Variants in MAN2C1 observed in about 807,000 individuals in gnomAD.
MAN2C1 encodes alpha-mannosidase 2C1.
MAN2C1 carries 111 observed loss-of-function variants against 126.9 expected under a neutral mutation model. That is an observed-to-expected ratio of 0.87 (90% CI 0.75 to 1.02). The LOEUF (loss-of-function observed/expected upper bound fraction) is 1.02. Ranked by LOEUF, MAN2C1 falls within the 50% of genes least tolerant of loss-of-function variation. MAN2C1 has a pLI of 0.00. For missense variants in MAN2C1, 1,363 were observed against 1,364.4 expected, an observed-to-expected ratio of 1.00 and a Z score of 0.02; for synonymous variants, 567 against 561.5, an observed-to-expected ratio of 1.01 and a Z score of -0.14.
chr15:75,362,083 GC>G lies in MAN2C1; in HGVS notation c.1009-137del, dbSNP rs2072481994. On this transcript the variant is annotated intron_variant, in intron 8 of 25. Transcript: ENST00000267978. This position sits in a 1 kb window ranked among gnomAD's most constrained non-coding sequence, Gnocchi z 4.5. ...GAGTTACAGCCAGAACTCAGGAAGG[GC>G]CCCTGTCCTTCAGGCCTGACTGTCC... The G allele has an allele frequency of 4.1e-6, 3 of 731,368 alleles. No individual in the cohort carries two copies. The highest frequency in any genetic ancestry group is 2.6e-5 in the East Asian group (1 of 38,514). 45.3% of individuals were successfully genotyped at this position (731,368 alleles called of 1,614,324 possible). A position where few individuals can be genotyped will look rare whatever the true frequency, so the allele number is the denominator to read the frequency against.
At chr15:75,358,886 G>A (rs2072403625) in intron 18 of MAN2C1, 78 bp from the exon 19 acceptor site, 1 of 1,394,746 alleles carries the variant, frequency 7.2e-7, no homozygotes, top group Admixed American at 1.9e-5. Flanking sequence ...GTAGGGTGGA[G>A]TGAGTAGACC....
chr15:75,366,114 T>C (rs2072570573), intron 4 of MAN2C1: 1 of 315,968 alleles, frequency 3.2e-6, no homozygotes, highest in Non-Finnish European at 6.2e-6. Context: ...TGCTGAGATG[T>C]TAATAATGTT....
In MAN2C1 at chr15:75,362,810, A is replaced by G; in HGVS notation, c.791-62T>C. ...CAAGGCTGACCAGGCCTGGGCTGGG[A>G]CTCCAGAGGGTCACCTAGCCCCCCT... On this transcript the variant is annotated intron_variant, in intron 6 of 25. Coordinates refer to ENST00000267978, the MANE Select transcript of MAN2C1 (RefSeq NM_006715.4). This position sits in a 1 kb window ranked among gnomAD's most constrained non-coding sequence, Gnocchi z 4.5. The G allele has an allele frequency of 1.4e-6, 2 of 1,420,950 alleles. No individual in the cohort carries two copies. Among genetic ancestry groups the G allele is most frequent in the East Asian group, 2.3e-5 (1 of 43,592 alleles). The allele number at this position is 1,420,950 out of a possible 1,614,324, so 88.0% of individuals were successfully genotyped here.
Position 75,356,628 on chromosome 15 carries a change from G to A in MAN2C1, c.2715C>T (p.Thr905=). 1 of 1,566,444 alleles carries A rather than the reference G, an allele frequency of 6.4e-7. No homozygotes were observed. The highest frequency in any genetic ancestry group is 8.7e-7 in the Non-Finnish European group (1 of 1,155,974). Residue 905 remains threonine, a synonymous_variant, in exon 23 of 26, where the codon ACC becomes ACT. Transcript: ENST00000267978. This position sits in a 1 kb window ranked among gnomAD's most constrained non-coding sequence, Gnocchi z 5.8. The part of the protein sequence containing the change: ...ATADTGRHEF[T]YALMPHKGSF... ...CACCCTTGTGCGGCATCAGTGCATA[G>A]GTGAACTCGTGGCGCCCCGTGTCAG...
intron 2 of MAN2C1, 153 bp downstream of exon 2, chr15:75,367,920 G>A (rs931202292): frequency 3.6e-6 from 4 of 1,109,068 alleles, no homozygotes; most frequent in Middle Eastern, 2.0e-4. Flanking sequence ...CCAGAGAGCT[G>A]TTCCCAGCAG....
chr15:75,368,598 T>G lies in MAN2C1; in HGVS notation c.-15A>C. 6.5e-7 allele frequency: 1 copy of G among 1,531,692 alleles called. No homozygotes were observed. The highest frequency in any genetic ancestry group is 1.2e-5 in the South Asian group (1 of 83,458). The allele number at this position is 1,531,692 out of a possible 1,614,324, so 94.9% of individuals were successfully genotyped here. ...GCAGCCGCCATCGCCGGGCTCTCGC[T>G]CCTCTTTCCGGAAGGCCCCTGGCGC... On this transcript the variant is annotated 5_prime_UTR_variant, in exon 1 of 26. Coordinates refer to ENST00000267978, the MANE Select transcript of MAN2C1 (RefSeq NM_006715.4).
At chr15:75,367,442 AG>A (rs1567288685) in intron 3 of MAN2C1, 68 bp downstream of exon 3, 5 of 1,571,616 alleles carry the variant, frequency 3.2e-6, no homozygotes, top group Non-Finnish European at 4.3e-6. Context: ...CAGAGTCCAC[AG>A]AAGAAGGGCT....
intron 13 of MAN2C1, 34 bp from the exon 14 acceptor site, chr15:75,360,245 T>G (rs1039832601): frequency 6.2e-7 from 1 of 1,601,070 alleles, no homozygotes; most frequent in South Asian, 1.1e-5. Flanking sequence ...GTCTGGAGCC[T>G]GCTTAGCTGT....
rs760363413 is a variant in MAN2C1, at chr15:75,361,984, C to T, written c.1009-37G>A. On this transcript the variant is annotated intron_variant, in intron 8 of 25. Coordinates refer to ENST00000267978, the MANE Select transcript of MAN2C1 (RefSeq NM_006715.4). The surrounding 1 kb of genome is among the most constrained non-coding windows in gnomAD (Gnocchi z 5.0). The stretch of plus-strand genomic sequence containing the variant: ...GGAAGTGGGAGGCAGCCCAGGTCAG[C>T]GCTGGACGGGGAGCAGGCAGGCGCT... The T allele has an allele frequency of 1.1e-5, 16 of 1,523,178 alleles. No homozygotes were observed. Among genetic ancestry groups the T allele is most frequent in the East Asian group, 2.2e-5 (1 of 44,506 alleles). The allele number at this position is 1,523,178 out of a possible 1,614,324, so 94.4% of individuals were successfully genotyped here.
rs923599831 is a variant in MAN2C1 at position 75,368,163 on chromosome 15, G to A, written c.137C>T (p.Ser46Phe). The A allele has an allele frequency of 1.9e-6, 3 of 1,604,542 alleles. No individual in the cohort carries two copies. The highest frequency in any genetic ancestry group is 2.5e-6 in the Non-Finnish European group (3 of 1,177,238). ...AAGTCTCTCCGGCGTCAGGAAGCTG[G>A]AGAGCACAGCCACAGGGCAGCTGGC... Reference protein sequence around the residue: ...FGASCPVAVLSSFLTPERLPY... With the variant: ...FGASCPVAVLFSFLTPERLPY... The change falls in exon 2 of 26, where the codon TCC becomes TTC. Residue 46 changes from serine to phenylalanine, a missense_variant. Transcript: ENST00000267978.
intron 4 of MAN2C1, chr15:75,365,758 CA>C (rs994817822): frequency 4.7e-5 from 9 of 191,284 alleles, no homozygotes; most frequent in Non-Finnish European, 9.0e-5. Flanking sequence ...CCCGAAAAAA[CA>C]AAAAAAACTA....
chr15:75,360,414 A>G, intron 13 of MAN2C1, 151 bp downstream of exon 13: 2 of 1,331,462 alleles, frequency 1.5e-6, no homozygotes, highest in South Asian at 2.9e-5. Flanking sequence ...GCCTCCTTCA[A>G]GCTTTCTTGA....
chr15:75,360,581 T>C lies in MAN2C1; in HGVS notation c.1568A>G (p.Tyr523Cys). 1 of 1,613,750 alleles carries C rather than the reference T, an allele frequency of 6.2e-7. No homozygotes were observed. The highest frequency in any genetic ancestry group is 8.5e-7 in the Non-Finnish European group (1 of 1,179,988). Residue 523 changes from tyrosine to cysteine, a missense_variant, in exon 13 of 26, where the codon TAC becomes TGC. Around this residue, in one of 3 missense-constraint regions of MAN2C1, gnomAD observed 67 missense variants for 104.5 expected, o/e 0.64. Coordinates refer to ENST00000267978, the MANE Select transcript of MAN2C1 (RefSeq NM_006715.4). The stretch of plus-strand genomic sequence containing the variant: ...CCCCCTGACCTGGGCATGGGTGGTG[T>C]ATGTGCCATTGTGCAGCTCCAAGAA... ...ELFLELHNGT[Y>C]TTHAQIKKGN...
chr15:75,362,865 C>A lies in MAN2C1; in HGVS notation c.791-117G>T. The A allele has an allele frequency of 1.2e-6, 1 of 800,804 alleles. No homozygotes were observed. Among genetic ancestry groups the A allele is most frequent in the Non-Finnish European group, 2.1e-6 (1 of 484,120 alleles). 49.6% of individuals were successfully genotyped at this position (800,804 alleles called of 1,614,324 possible). On this transcript the variant is annotated intron_variant, in intron 6 of 25. Coordinates refer to ENST00000267978, the MANE Select transcript of MAN2C1 (RefSeq NM_006715.4). The surrounding 1 kb of genome is among the most constrained non-coding windows in gnomAD (Gnocchi z 4.5). ...TCCCAGGCCCTTCACCCTGGAAAGC[C>A]CTGTGGTGTCCCTCCTAAGTGGTCA...
In MAN2C1 at chr15:75,364,092, C is replaced by T. The variant is rs764960191; in HGVS notation, c.697G>A (p.Val233Met). The T allele has an allele frequency of 6.2e-7, 1 of 1,614,216 alleles. No individual in the cohort carries two copies. Among genetic ancestry groups the T allele is most frequent in the Non-Finnish European group, 8.5e-7 (1 of 1,180,028 alleles). Residue 233 changes from valine to methionine, a missense_variant, in exon 6 of 26, where the codon GTG becomes ATG. Physicochemically the swap from Val to Met is conservative, Grantham distance 21 (BLOSUM62 1). Transcript: ENST00000267978. Reference sequence around the variant, plus strand: ...AACCTGGAGGCCAGGGCCTGGGCCACTGGGAAGGTCTCGGGCTGGGCAGGG... The same window carrying T: ...AACCTGGAGGCCAGGGCCTGGGCCATTGGGAAGGTCTCGGGCTGGGCAGGG... The part of the protein sequence containing the change: ...CDPAQPETFP[V>M]AQALASRFFG...
intron 18 of MAN2C1, 113 bp from the exon 19 acceptor site, chr15:75,358,921 G>T: frequency 7.1e-7 from 1 of 1,399,816 alleles, no homozygotes; most frequent in Non-Finnish European, 9.9e-7. Flanking sequence ...CTACTGCCCA[G>T]CCTGCCCTGC....
chr15:75,367,986 G>A lies in MAN2C1; in HGVS notation c.227+87C>T, dbSNP rs1306345806. 3.4e-6 allele frequency: 5 copies of A among 1,464,664 alleles called. No homozygotes were observed. The South Asian group carries it at 5.1e-5, about 15-fold the overall frequency. The allele number at this position is 1,464,664 out of a possible 1,614,324, so 90.7% of individuals were successfully genotyped here. On this transcript the variant is annotated intron_variant, in intron 2 of 25. Transcript: ENST00000267978. ...CGATCCCACGTAGTTGTCTACGGCA[G>A]AGGGCAGACAACGAAGGTGTGGCTG...
Position 75,359,140 on chromosome 15 carries a change from A to C in MAN2C1, c.2060T>G (p.Val687Gly), listed in dbSNP as rs746853573. ...TCGGATGATGCCATTGTCCAGAGTC[A>C]CGGAGCCATCAGTCTTTGTGGGAGG... ...VFVVQETDGS[V>G]TLDNGIIRVK... Residue 687 changes from valine (V) to glycine (G), a missense_variant, in exon 18 of 26, where the codon GTG becomes GGG. Val to Gly is a moderately radical substitution (Grantham distance 109, BLOSUM62 -3). Around this residue, in one of 3 missense-constraint regions of MAN2C1, gnomAD observed 668 missense variants for 650.1 expected, o/e 1.03. Transcript: ENST00000267978. 5 of 1,613,998 alleles carry C rather than the reference A, an allele frequency of 3.1e-6. No homozygotes were observed. The South Asian group carries it at 5.5e-5, about 18-fold the overall frequency.
rs760169245 is a variant in MAN2C1 at position 75,361,889 on chromosome 15, A to T, written c.1067T>A (p.Phe356Tyr). ...CATCTTCCCAAACTCCTGCAGAAAG[A>T]AGTTCTGGCCCTGCAAAAACTGCCT... ...MVRQFLQGQN[F>Y]FLQEFGKMCS... is the part of the protein sequence containing the mutation. The change falls in exon 9 of 26, where the codon TTC (phenylalanine) becomes TAC (tyrosine). Residue 356 changes from phenylalanine (F) to tyrosine (Y), a missense_variant. By Grantham distance (22) the Phe-to-Tyr change is conservative. Coordinates refer to ENST00000267978, the MANE Select transcript of MAN2C1 (RefSeq NM_006715.4). This position sits in a 1 kb window ranked among gnomAD's most constrained non-coding sequence, Gnocchi z 5.0. The T allele has an allele frequency of 7.4e-6, 12 of 1,614,040 alleles. No individual in the cohort carries two copies. The highest frequency in any genetic ancestry group is 6.6e-5 in the South Asian group (6 of 91,084).
Sources: allele counts gnomAD v4.1 joint callset, GRCh38; gene constraint gnomAD v4.1.1; regional missense constraint gnomAD v4.1.1; non-coding constraint Gnocchi (gnomAD v3.1); transcripts MANE v1.5; gene names NCBI Gene and HGNC (gene_info 2026-07-23, HGNC 2026-07-21).